The following SNX7 variants were observed in gnomAD, a reference collection of about 807,000 sequenced individuals.
SNX7 encodes sorting nexin-7.
A neutral mutation model predicts 48.4 loss-of-function variants in SNX7; 35 were observed. The observed-to-expected ratio is 0.72, with a 90% confidence interval of 0.55 to 0.96. The LOEUF (loss-of-function observed/expected upper bound fraction) is 0.96, where lower values mean the gene tolerates loss of function less well. Ranked by LOEUF, SNX7 falls within the 40% of genes least tolerant of loss-of-function variation. The pLI, the probability that SNX7 is intolerant of heterozygous loss-of-function variation, is 0.00. For synonymous variants in SNX7, 190 were observed against 190.2 expected, an observed-to-expected ratio of 1.00 and a Z score of 0.01; for missense variants, 553 against 548.9, an observed-to-expected ratio of 1.01 and a Z score of -0.07.
intron 7 of SNX7, among the ~76,000 whole-genome samples, chr1:98,709,898 A>G (rs1652210359): frequency 1.3e-5 from 2 of 152,134 alleles, no homozygotes; most frequent in Admixed American, 6.6e-5. Context: ...TTAAACTTGT[A>G]GAGTACAATT....
At position 98,672,299 on chromosome 1, in the gene SNX7, G is replaced by A. The variant is rs1009753419; in HGVS notation, c.180+10388G>A. On this transcript the variant is annotated intron_variant, in intron 1 of 8. Transcript: ENST00000306121. ...AAGCAGTAACCCCTAACTGGGACAT[G>A]CCACTCCTGTGACAGAGGGAAAATA... is the stretch of plus-strand genomic sequence containing the variant. 2.6e-5 allele frequency among the ~76,000 whole-genome samples: 4 copies of A among 151,764 alleles called. No homozygotes were observed. The South Asian group carries it at 6.3e-4, about 24-fold the overall frequency.
At chr1:98,701,710 G>A (rs1330488980) in intron 6 of SNX7, 107 bp from the exon 7 acceptor site, 1 of 658,072 alleles carries the variant, frequency 1.5e-6, no homozygotes, top group Non-Finnish European at 2.4e-6. Context: ...AATGACTGAT[G>A]GCTTGGGGAA....
intron 7 of SNX7, among the ~76,000 whole-genome samples, chr1:98,721,527 A>G (rs1652871037): frequency 6.6e-6 from 1 of 152,116 alleles, no homozygotes; most frequent in Non-Finnish European, 1.5e-5. Context: ...CAAAGTTTCA[A>G]AATAAGTCAC....
chr1:98,717,186 A>G (rs190170919), intron 7 of SNX7, among the ~76,000 whole-genome samples: 325 of 152,170 alleles, frequency 2.1e-3, no homozygotes, highest in Admixed American at 0.017. Context: ...AATTGATGAT[A>G]ATAATAATAA....
rs375575583 is a variant in SNX7, at chr1:98,751,755, G to A, written c.1279-8299G>A. ...TGGAAAAAACACAGTACTGCACTAT[G>A]AGAGTCAGTTTTCTTAACTGTAAAA... On this transcript the variant is annotated intron_variant, in intron 8 of 8. Coordinates refer to ENST00000306121, the MANE Select transcript of SNX7 (RefSeq NM_015976.5). Among the ~76,000 whole-genome samples the A allele has an allele frequency of 9.9e-5, 15 of 152,212 alleles. 1 individual carries two copies. The highest frequency in any genetic ancestry group is 3.4e-4 in the African/African-American group (14 of 41,554).
At chr1:98,754,981 A>C (rs1171284536) in intron 8 of SNX7, among the ~76,000 whole-genome samples, 1 of 151,974 alleles carries the variant, frequency 6.6e-6, no homozygotes, top group Non-Finnish European at 1.5e-5. Context: ...GCATACCAAA[A>C]TTTTTGATGT....
At chr1:98,750,360 C>T (rs918132883) in intron 8 of SNX7, among the ~76,000 whole-genome samples, 1 of 151,820 alleles carries the variant, frequency 6.6e-6, no homozygotes, top group Non-Finnish European at 1.5e-5. Context: ...AGCTGAGTGA[C>T]CTTGAGGACT....
intron 8 of SNX7, among the ~76,000 whole-genome samples, chr1:98,748,932 G>T (rs1030975016): frequency 2.0e-5 from 3 of 152,036 alleles, no homozygotes; most frequent in African/African-American, 7.2e-5. Context: ...AAACATCATA[G>T]TTGCACCTTA....
At chr1:98,715,830 T>TTAGATG (rs1652561525) in intron 7 of SNX7, among the ~76,000 whole-genome samples, 1 of 152,168 alleles carries the variant, frequency 6.6e-6, no homozygotes, top group East Asian at 1.9e-4. Flanking sequence ...TATCTTGGCA[T>TTAGATG]TAGATGTGTT....
intron 7 of SNX7, among the ~76,000 whole-genome samples, chr1:98,733,688 G>A (rs140389183): frequency 6.6e-6 from 1 of 152,092 alleles, no homozygotes; most frequent in African/African-American, 2.4e-5. Context: ...ATGAGTCTGT[G>A]AGGGCAAGGT....
intron 7 of SNX7, among the ~76,000 whole-genome samples, chr1:98,728,321 C>T (rs1280568507): frequency 6.6e-6 from 1 of 152,164 alleles, no homozygotes; most frequent in African/African-American, 2.4e-5. Context: ...AAATCCTTTT[C>T]AGACAAGCAA....
chr1:98,714,940 T>C (rs375845692), intron 7 of SNX7, among the ~76,000 whole-genome samples: 12 of 152,140 alleles, frequency 7.9e-5, no homozygotes, highest in African/African-American at 2.7e-4. Flanking sequence ...TTACAGAAAA[T>C]TTGCAAGTAC....
intron 1 of SNX7, 75 bp downstream of exon 1, chr1:98,661,986 G>A: frequency 8.1e-7 from 1 of 1,233,388 alleles, no homozygotes; most frequent in African/African-American, 1.6e-5. Flanking sequence ...GCCGACGGCT[G>A]CCTCTGGCGC....
chr1:98,746,058 G>A lies in SNX7; in HGVS notation c.1278+7669G>A, dbSNP rs561240173. Among the ~76,000 whole-genome samples, 5 of 152,014 alleles carry A rather than the reference G, an allele frequency of 3.3e-5. No individual in the cohort carries two copies. The East Asian group carries it at 9.7e-4, about 29-fold the overall frequency. On this transcript the variant is annotated intron_variant, in intron 8 of 8. Coordinates refer to ENST00000306121, the MANE Select transcript of SNX7 (RefSeq NM_015976.5). The stretch of plus-strand genomic sequence containing the variant: ...GATCAGAGCAAAAGATACAGAAATG[G>A]AATAGCCTTCTGTGATTCTAGAACA...
intron 7 of SNX7, among the ~76,000 whole-genome samples, chr1:98,717,743 G>A (rs1246762218): frequency 6.6e-6 from 1 of 152,024 alleles, no homozygotes; most frequent in Non-Finnish European, 1.5e-5. Flanking sequence ...GAGATAAGGA[G>A]GTACAGTTTC....
At chr1:98,694,503 A>C (rs908699132) in intron 4 of SNX7, among the ~76,000 whole-genome samples, 12 of 151,602 alleles carry the variant, frequency 7.9e-5, no homozygotes, top group Non-Finnish European at 1.5e-4. Flanking sequence ...TAATGACTTT[A>C]AGCGGGCAGA....
At chr1:98,713,257 TC>T (rs1652417146) in intron 7 of SNX7, among the ~76,000 whole-genome samples, 1 of 152,164 alleles carries the variant, frequency 6.6e-6, no homozygotes, top group African/African-American at 2.4e-5. Context: ...ACAGCTTCTT[TC>T]CTTAAACCTA....
chr1:98,734,023 C>G (rs896870298), intron 7 of SNX7, among the ~76,000 whole-genome samples: 23 of 152,182 alleles, frequency 1.5e-4, no homozygotes, highest in African/African-American at 2.9e-4. Context: ...TATGCATTTG[C>G]AGCTGTATTT....
At chr1:98,693,770 TAGAC>T (rs1651275025) in intron 4 of SNX7, among the ~76,000 whole-genome samples, 1 of 152,226 alleles carries the variant, frequency 6.6e-6, no homozygotes. Flanking sequence ...TGAAGGAAGA[TAGAC>T]AATGTGTTAT....
Sources: allele counts gnomAD v4.1 joint callset (sites outside exome capture counted in the v4.1 genomes callset), GRCh38; gene constraint gnomAD v4.1.1; transcripts MANE v1.5; gene names NCBI Gene and HGNC (gene_info 2026-07-23, HGNC 2026-07-21).